Variants in ADAMTS20 observed in about 807,000 individuals in gnomAD.
ADAMTS20 encodes A disintegrin and metalloproteinase with thrombospondin motifs 20.
In ADAMTS20, 225 loss-of-function variants were observed where a neutral mutation model predicts 260.1. That is an observed-to-expected ratio of 0.87 (90% confidence interval 0.78 to 0.97). The LOEUF is 0.97. ADAMTS20 is among the 50% of genes least tolerant of loss of function. The pLI, the probability that ADAMTS20 is intolerant of heterozygous loss-of-function variation, is 0.00. For synonymous variants in ADAMTS20, 802 were observed against 769.5 expected (o/e 1.04, Z -0.70); for missense variants, 2,400 against 2,337.7 (o/e 1.03, Z -0.55).
chr12:43,404,178 GACACACAC>G (rs3031172), intron 28 of ADAMTS20, among the ~76,000 whole-genome samples: 4,788 of 145,988 alleles, frequency 0.033, 99 homozygotes, highest in East Asian at 0.098. Flanking sequence ...ATATTGTGGG[GACACACAC>G]ACACACACAC....
Position 43,443,339 on chromosome 12 carries a change from A to C in ADAMTS20, c.2290+452T>G, listed in dbSNP as rs547582207. 6.6e-5 allele frequency among the ~76,000 whole-genome samples: 10 copies of C among 152,324 alleles called. No individual in the cohort carries two copies. The South Asian group carries it at 2.1e-3, about 32-fold the overall frequency. ...CATTCATTAACATATAAAAATGTGAAACCACAGTTCTTTTTCTGACTTTTT... is the reference window on the plus strand; with the variant it reads ...CATTCATTAACATATAAAAATGTGACACCACAGTTCTTTTTCTGACTTTTT... On this transcript the variant is annotated intron_variant, in intron 16 of 38. Coordinates refer to ENST00000389420, the MANE Select transcript of ADAMTS20 (RefSeq NM_025003.5).
At chr12:43,518,518 T>C (rs551895959) in intron 3 of ADAMTS20, among the ~76,000 whole-genome samples, 60 of 152,210 alleles carry the variant, frequency 3.9e-4, no homozygotes, top group Middle Eastern at 3.4e-3. Flanking sequence ...AGTTCAGTCT[T>C]TGGATTTTTA....
chr12:43,454,621 A>C (rs1941931858), intron 11 of ADAMTS20, among the ~76,000 whole-genome samples: 1 of 152,170 alleles, frequency 6.6e-6, no homozygotes, highest in South Asian at 2.1e-4. Flanking sequence ...ACTATCCCAG[A>C]CAAAGTCAAT....
At position 43,383,934 on chromosome 12, in the gene ADAMTS20, T is replaced by C. The variant is rs1565674473; in HGVS notation, c.4496A>G (p.Tyr1499Cys). 4 of 1,613,812 alleles carry C rather than the reference T, an allele frequency of 2.5e-6. No homozygotes were observed. Among genetic ancestry groups the C allele is most frequent in the African/African-American group, 1.3e-5 (1 of 74,924 alleles). Residue 1499 changes from tyrosine to cysteine, a missense_variant, in exon 30 of 39, where the codon TAC (tyrosine) becomes TGC (cysteine). Transcript: ENST00000389420. ...CTGACCAACACCTTTCAGTCTGCAGTATACATCCCTCTGCTGAACTCCAGA... is the reference window on the plus strand; with the variant it reads ...CTGACCAACACCTTTCAGTCTGCAGCATACATCCCTCTGCTGAACTCCAGA... ...CGSGVQQRDV[Y>C]CRLKGVGQVV...
intron 3 of ADAMTS20, among the ~76,000 whole-genome samples, chr12:43,514,705 T>C (rs1381700473): frequency 6.6e-6 from 1 of 151,922 alleles, no homozygotes; most frequent in Non-Finnish European, 1.5e-5. Context: ...TTATTATATG[T>C]ATAGCATTGT....
chr12:43,401,768 T>C (rs1217250477), intron 28 of ADAMTS20, among the ~76,000 whole-genome samples: 1 of 149,528 alleles, frequency 6.7e-6, no homozygotes, highest in Non-Finnish European at 1.5e-5. Flanking sequence ...GTGCTAACAA[T>C]GGCTCTCTTA....
rs530030619 is a variant in ADAMTS20 at position 43,529,604 on chromosome 12, G to A, written c.613+2432C>T. Among the ~76,000 whole-genome samples, 11 of 152,242 alleles carry A rather than the reference G, an allele frequency of 7.2e-5. No individual in the cohort carries two copies. The East Asian group carries it at 2.1e-3, about 29-fold the overall frequency. On this transcript the variant is annotated intron_variant, in intron 3 of 38. Transcript: ENST00000389420. The stretch of plus-strand genomic sequence containing the variant: ...CACTTATAAGTGGGAGCTACGCTAT[G>A]AGTATGCAAAGGCATACCGAGTGAT...
At chr12:43,480,979 G>C (rs927025421) in intron 7 of ADAMTS20, among the ~76,000 whole-genome samples, 10 of 152,042 alleles carry the variant, frequency 6.6e-5, no homozygotes, top group Admixed American at 2.0e-4. Context: ...CCAAAAAAAA[G>C]AATAAGATAA....
intron 26 of ADAMTS20, among the ~76,000 whole-genome samples, chr12:43,427,881 A>G (rs1006820693): frequency 2.6e-5 from 4 of 152,194 alleles, no homozygotes; most frequent in African/African-American, 9.6e-5. Context: ...GTAGTTTGTC[A>G]TGATTTTATA....
intron 28 of ADAMTS20, among the ~76,000 whole-genome samples, chr12:43,418,265 C>T (rs1439415573): frequency 6.6e-6 from 1 of 152,126 alleles, no homozygotes; most frequent in Admixed American, 6.5e-5. Context: ...CAGGAGAGAA[C>T]ATTTTGAAAT....
intron 7 of ADAMTS20, among the ~76,000 whole-genome samples, chr12:43,471,998 C>T (rs1483873909): frequency 5.3e-5 from 8 of 151,952 alleles, no homozygotes; most frequent in Non-Finnish European, 5.9e-5. Context: ...ATGACTTTGA[C>T]GAGCTGAGAG....
Position 43,427,441 on chromosome 12 carries a change from T to A in ADAMTS20, c.3974A>T (p.Gln1325Leu). 6.2e-7 allele frequency: 1 copy of A among 1,612,328 alleles called. No homozygotes were observed. Among genetic ancestry groups the A allele is most frequent in the Non-Finnish European group, 8.5e-7 (1 of 1,179,250 alleles). ...SCSSSCSGGL[Q>L]HRAVVCQDEN... ...ATCCTGGCAGACCACAGCCCTATGC[T>A]GAAGACCTCCAGAACAACTGCTGGA... Residue 1325 changes from glutamine (Q) to leucine (L), a missense_variant, in exon 27 of 39, where the codon CAG (glutamine) becomes CTG (leucine). By Grantham distance (113) the Gln-to-Leu change is moderately radical. Coordinates refer to ENST00000389420, the MANE Select transcript of ADAMTS20 (RefSeq NM_025003.5).
intron 14 of ADAMTS20, among the ~76,000 whole-genome samples, chr12:43,450,208 T>C (rs1168253970): frequency 1.3e-5 from 2 of 152,246 alleles, no homozygotes; most frequent in East Asian, 3.9e-4. Flanking sequence ...AATATACAAG[T>C]AGATGGCTTG....
At chr12:43,452,722 C>T in intron 12 of ADAMTS20, 27 bp from the exon 13 acceptor site, 6 of 1,558,738 alleles carry the variant, frequency 3.8e-6, no homozygotes, top group Non-Finnish European at 5.2e-6. Context: ...CATTTTAAAG[C>T]ACATCAGTAC....
chr12:43,387,034 C>T (rs968061906), intron 29 of ADAMTS20, among the ~76,000 whole-genome samples: 4 of 152,138 alleles, frequency 2.6e-5, no homozygotes, highest in Non-Finnish European at 4.4e-5. Context: ...CCTTTGCTGG[C>T]GAGGAGTTGT....
At chr12:43,472,395 A>C (rs886805435) in intron 7 of ADAMTS20, among the ~76,000 whole-genome samples, 67 of 145,058 alleles carry the variant, frequency 4.6e-4, no homozygotes, top group African/African-American at 1.3e-3. Context: ...GAATGGAACC[A>C]AGTTGGAAAA....
chr12:43,485,827 C>A (rs1942514538), intron 7 of ADAMTS20, among the ~76,000 whole-genome samples: 2 of 151,700 alleles, frequency 1.3e-5, no homozygotes, highest in Non-Finnish European at 2.9e-5. Flanking sequence ...ACAACAGCTG[C>A]AAAAAATAAA....
At chr12:43,446,188 A>C (rs1941757071) in intron 15 of ADAMTS20, among the ~76,000 whole-genome samples, 1 of 152,206 alleles carries the variant, frequency 6.6e-6, no homozygotes. Flanking sequence ...CATACCAAAA[A>C]AAGAAAGTGA....
rs749119599 is a variant in ADAMTS20 at position 43,375,472 on chromosome 12, TTCTACTCCCA to T, written c.5343_5352del (p.Asn1781LysfsTer12). On this transcript the variant is annotated frameshift_variant, in exon 36 of 39. Transcript: ENST00000389420. LOFTEE classifies it high-confidence loss of function. ...CCATTGTCACATTCACAGTCTTCCCTTCTACTCCCATTAAAAGGACATTGATATGGATTTT... is the reference window on the plus strand; with the variant it reads ...CCATTGTCACATTCACAGTCTTCCCTTTAAAAGGACATTGATATGGATTTT... 7 of 1,613,334 alleles carry T rather than the reference TTCTACTCCCA, an allele frequency of 4.3e-6. No homozygotes were observed. Among genetic ancestry groups the T allele is most frequent in the Non-Finnish European group, 5.9e-6 (7 of 1,179,452 alleles).
Sources: gnomAD v4.1 joint callset for allele counts (sites outside exome capture counted in the v4.1 genomes callset) on GRCh38, gnomAD v4.1.1 for gene constraint, MANE v1.5 for transcripts, NCBI Gene and HGNC (gene_info 2026-07-23, HGNC 2026-07-21) for gene names.